The following NRG4 variants were observed in gnomAD, a reference collection of about 807,000 sequenced individuals.
NRG4 encodes the protein neuregulin 4.
Under a neutral mutation model 15.0 loss-of-function variants are expected in NRG4, and 10 were observed. The observed-to-expected ratio is 0.67, with a 90% CI of 0.41 to 1.13. The LOEUF (loss-of-function observed/expected upper bound fraction) is 1.13, where lower values mean the gene tolerates loss of function less well. Ranked by LOEUF, NRG4 falls within the 50% of genes most tolerant of loss-of-function variation. The pLI, the probability that NRG4 is intolerant of heterozygous loss-of-function variation, is 0.00. For synonymous variants in NRG4, 41 were observed against 50.1 expected, an observed-to-expected ratio of 0.82 and a Z score of 0.77; for missense variants, 139 against 140.2, an observed-to-expected ratio of 0.99 and a Z score of 0.04.
chr15:76,009,777 T>C (rs766875294), intron 2 of NRG4, among the ~76,000 whole-genome samples: 7 of 152,192 alleles, frequency 4.6e-5, no homozygotes, highest in Non-Finnish European at 1.0e-4. Context: ...TAACTTTAAA[T>C]GTTCCTATAT....
At chr15:75,998,732 G>GA (rs2034299740) in intron 3 of NRG4, among the ~76,000 whole-genome samples, 1 of 152,064 alleles carries the variant, frequency 6.6e-6, no homozygotes, top group African/African-American at 2.4e-5. Context: ...AAATCTATGG[G>GA]AAAAAATTCA....
At chr15:76,051,633 G>A (rs1000599355) in intron 4 of NRG4, among the ~76,000 whole-genome samples, 1 of 146,446 alleles carries the variant, frequency 6.8e-6, no homozygotes, top group Non-Finnish European at 1.5e-5. Context: ...GCACTATCTC[G>A]GCTCACTGCA....
At chr15:75,961,460 T>C (rs2032518609) in intron 4 of NRG4, among the ~76,000 whole-genome samples, 1 of 152,216 alleles carries the variant, frequency 6.6e-6, no homozygotes, top group African/African-American at 2.4e-5. Context: ...ATATTAACCA[T>C]ATGTCTTAAG....
At chr15:76,011,421 A>C (rs909829118) in intron 1 of NRG4, 135 bp from the exon 2 acceptor site, 22 of 416,940 alleles carry the variant, frequency 5.3e-5, no homozygotes, top group African/African-American at 4.5e-4. Context: ...TACTAGGGAC[A>C]AATTTTAGTT....
At chr15:76,028,284 C>T (rs2035369272) in intron 5 of NRG4, among the ~76,000 whole-genome samples, 1 of 150,278 alleles carries the variant, frequency 6.7e-6, no homozygotes, top group Admixed American at 6.6e-5. Flanking sequence ...AAAAGAAAAC[C>T]CAAATTAAAA....
chr15:75,975,212 C>A (rs1053260977), intron 3 of NRG4, among the ~76,000 whole-genome samples: 13 of 151,990 alleles, frequency 8.6e-5, no homozygotes, highest in Non-Finnish European at 1.5e-5. Flanking sequence ...GGTAAATATT[C>A]CTCCATCCCT....
intron 5 of NRG4, among the ~76,000 whole-genome samples, chr15:76,018,513 G>C (rs1442680501): frequency 6.6e-6 from 1 of 152,162 alleles, no homozygotes; most frequent in Non-Finnish European, 1.5e-5. Flanking sequence ...GGGTTTCTAA[G>C]TGGACATCCT....
chr15:76,052,758 C>A (rs987162064), intron 3 of NRG4, among the ~76,000 whole-genome samples: 2 of 150,952 alleles, frequency 1.3e-5, no homozygotes, highest in African/African-American at 4.9e-5. Context: ...GCTCAGGTTA[C>A]CTTAATTATA....
At chr15:76,010,790 A>G (rs1052626059) in intron 2 of NRG4, among the ~76,000 whole-genome samples, 1 of 152,164 alleles carries the variant, frequency 6.6e-6, no homozygotes, top group Non-Finnish European at 1.5e-5. Context: ...TGAGGGTGGA[A>G]TGTAACTTTA....
intron 2 of NRG4, among the ~76,000 whole-genome samples, chr15:76,056,650 A>G (rs1445547515): frequency 1.3e-5 from 2 of 152,350 alleles, no homozygotes; most frequent in East Asian, 3.9e-4. Flanking sequence ...TATAACATTT[A>G]GAAGAGCTTT....
chr15:76,055,294 T>C (rs896977635), intron 2 of NRG4, among the ~76,000 whole-genome samples: 7 of 152,120 alleles, frequency 4.6e-5, no homozygotes, highest in Admixed American at 3.3e-4. Context: ...AAAAAAATTA[T>C]TCAAGAGGAT....
At chr15:76,056,350 A>G (rs1313978836) in intron 2 of NRG4, among the ~76,000 whole-genome samples, 1 of 151,980 alleles carries the variant, frequency 6.6e-6, no homozygotes, top group African/African-American at 2.4e-5. Flanking sequence ...CCAGCTACTC[A>G]GGGAGGCTGA....
At chr15:76,037,918 G>A (rs1596051180) in intron 4 of NRG4, among the ~76,000 whole-genome samples, 1 of 151,930 alleles carries the variant, frequency 6.6e-6, no homozygotes, top group Non-Finnish European at 1.5e-5. Flanking sequence ...AGCCACAGTC[G>A]GATACAATAC....
At chr15:75,988,335 G>A (rs1364482110) in intron 3 of NRG4, among the ~76,000 whole-genome samples, 2 of 151,988 alleles carry the variant, frequency 1.3e-5, no homozygotes, top group Admixed American at 1.3e-4. Flanking sequence ...ACAGGCATGC[G>A]CCACCATGCC....
intron 4 of NRG4, among the ~76,000 whole-genome samples, chr15:75,958,702 T>C (rs1476773739): frequency 6.6e-6 from 1 of 152,132 alleles, no homozygotes; most frequent in East Asian, 1.9e-4. Flanking sequence ...CTTGTTCTTA[T>C]ATATATACGC....
chr15:75,947,594 A>G (rs2031610064), intron 5 of NRG4, among the ~76,000 whole-genome samples: 1 of 152,212 alleles, frequency 6.6e-6, no homozygotes, highest in Admixed American at 6.5e-5. Context: ...CATTAACACT[A>G]TGAGTGTAGG....
At chr15:76,039,198 T>A (rs2035670182) in intron 4 of NRG4, among the ~76,000 whole-genome samples, 2 of 152,042 alleles carry the variant, frequency 1.3e-5, no homozygotes, top group South Asian at 4.2e-4. Flanking sequence ...AACTCTTCAA[T>A]GCCCAGACAC....
Position 76,050,597 on chromosome 15 carries a change from A to ATTT in NRG4, c.-105+1467_-105+1469dup, listed in dbSNP as rs35228253. 2.6e-4 allele frequency among the ~76,000 whole-genome samples: 28 copies of ATTT among 108,942 alleles called. 1 individual carries two copies. Among genetic ancestry groups the ATTT allele is most frequent in the African/African-American group, 8.0e-4 (21 of 26,370 alleles). 71.5% of individuals were successfully genotyped at this position (108,942 alleles called of 152,430 possible). A position where few individuals can be genotyped will look rare whatever the true frequency, so the allele number is the denominator to read the frequency against. On this transcript the variant is annotated intron_variant, in intron 4 of 8. Coordinates refer to the NRG4 transcript ENST00000563910. Reference sequence around the variant, plus strand: ...AGGCACTCACCACCACGCTCGGCTAATTTTTTTTTTTTTTTTTTTTTGTAT... The same window carrying ATTT: ...AGGCACTCACCACCACGCTCGGCTAATTTTTTTTTTTTTTTTTTTTTTTTGTAT...
chr15:76,043,573 A>T (rs534579654), intron 4 of NRG4, among the ~76,000 whole-genome samples: 2 of 152,324 alleles, frequency 1.3e-5, no homozygotes, highest in Admixed American at 1.3e-4. Context: ...GTATCAAGGA[A>T]TTCACTTAAT....
Sources: gnomAD v4.1 joint callset for allele counts (sites outside exome capture counted in the v4.1 genomes callset) on GRCh38, gnomAD v4.1.1 for gene constraint, MANE v1.5 for transcripts, NCBI Gene and HGNC (gene_info 2026-07-23, HGNC 2026-07-21) for gene names.